SLCO5A1: variants seen among roughly 807,000 people sequenced by gnomAD.
SLCO5A1 encodes solute carrier organic anion transporter family member 5A1, also known as organic anion transporter polypeptide-related protein 4.
A neutral mutation model predicts 65.1 loss-of-function variants in SLCO5A1; 39 were observed. The ratio of observed to expected loss-of-function variants is 0.60; its 90% CI spans 0.46 to 0.78. The LOEUF (loss-of-function observed/expected upper bound fraction) is 0.78. Ranked by LOEUF, SLCO5A1 falls within the 30% of genes least tolerant of loss-of-function variation. The probability of loss-of-function intolerance (pLI) is 0.00; values close to 1 mark genes in which losing one functional copy is unlikely to be tolerated. For synonymous variants in SLCO5A1, 438 were observed against 415.7 expected, an observed-to-expected ratio of 1.05 and a Z score of -0.65; for missense variants, 1,029 against 1,069.4, an observed-to-expected ratio of 0.96 and a Z score of 0.53.
intron 2 of SLCO5A1, among the ~76,000 whole-genome samples, chr8:69,816,318 CA>C (rs889765408): frequency 1.6e-4 from 25 of 152,244 alleles, no homozygotes; most frequent in African/African-American, 5.8e-4. Context: ...TCCAGAGAGC[CA>C]AAATCATCCC....
At chr8:69,722,559 G>A (rs964632810) in intron 5 of SLCO5A1, among the ~76,000 whole-genome samples, 4 of 152,086 alleles carry the variant, frequency 2.6e-5, no homozygotes, top group Admixed American at 2.0e-4. Context: ...GATCACAAGC[G>A]AACAAAACAA....
At chr8:69,743,270 C>T (rs781288554) in intron 4 of SLCO5A1, among the ~76,000 whole-genome samples, 1 of 152,118 alleles carries the variant, frequency 6.6e-6, no homozygotes. Flanking sequence ...CAAGTGGGTT[C>T]CAGCATGTGT....
chr8:69,751,547 C>CTT (rs762744953), intron 4 of SLCO5A1, among the ~76,000 whole-genome samples: 9 of 141,228 alleles, frequency 6.4e-5, no homozygotes, highest in Non-Finnish European at 7.8e-5. Context: ...AAATAATTTT[C>CTT]TTTTTTTTTT....
At chr8:69,691,539 CTT>C (rs1243497216) in intron 6 of SLCO5A1, among the ~76,000 whole-genome samples, 2 of 152,198 alleles carry the variant, frequency 1.3e-5, no homozygotes, top group Non-Finnish European at 2.9e-5. Context: ...CATTCTAGCT[CTT>C]TGAGTCTATG....
intron 6 of SLCO5A1, among the ~76,000 whole-genome samples, chr8:69,699,371 C>T (rs1474286865): frequency 6.6e-6 from 1 of 152,172 alleles, no homozygotes; most frequent in Non-Finnish European, 1.5e-5. Context: ...AGCAGCAAGG[C>T]TTACAAGCCT....
chr8:69,727,562 T>G (rs1762480375), intron 5 of SLCO5A1, among the ~76,000 whole-genome samples: 1 of 152,186 alleles, frequency 6.6e-6, no homozygotes, highest in Non-Finnish European at 1.5e-5. Context: ...TCCCTCCCAC[T>G]GCAGTACTGT....
At chr8:69,834,269 G>C (rs543788951) in intron 1 of SLCO5A1, 3 of 152,828 alleles carry the variant, frequency 2.0e-5, no homozygotes, top group Non-Finnish European at 2.9e-5. Context: ...GGCAAGGACG[G>C]GGGGCGGAAT....
chr8:69,799,258 T>G (rs997658571), intron 2 of SLCO5A1, among the ~76,000 whole-genome samples: 1 of 152,228 alleles, frequency 6.6e-6, no homozygotes, highest in African/African-American at 2.4e-5. Flanking sequence ...GTACAATTTT[T>G]CTTTGTTTCA....
At chr8:69,798,916 A>G (rs1392495338) in intron 2 of SLCO5A1, among the ~76,000 whole-genome samples, 1 of 152,242 alleles carries the variant, frequency 6.6e-6, no homozygotes, top group African/African-American at 2.4e-5. Flanking sequence ...TGACAACAAT[A>G]GAAGATTAAT....
intron 6 of SLCO5A1, among the ~76,000 whole-genome samples, chr8:69,691,030 G>C (rs2130798103): frequency 6.6e-6 from 1 of 152,204 alleles, no homozygotes; most frequent in East Asian, 1.9e-4. Context: ...TTGAAGAAAA[G>C]GCAGAGTGAG....
intron 5 of SLCO5A1, chr8:69,713,304 A>G (rs1389444330): frequency 1.3e-5 from 2 of 152,346 alleles, no homozygotes; most frequent in South Asian, 2.1e-4. Flanking sequence ...CAAACATGAG[A>G]CTATCAATAA....
rs1207212208 is a variant in SLCO5A1, at chr8:69,831,319, A to G, written c.907+448T>C. Among the ~76,000 whole-genome samples, 3 of 152,240 alleles carry G rather than the reference A, an allele frequency of 2.0e-5. No homozygotes were observed. In the East Asian group the frequency reaches 5.8e-4, roughly 29 times the overall value. On this transcript the variant is annotated intron_variant, in intron 2 of 9. Transcript: ENST00000260126. ...GTATGAAGGCAATAAAGCATGATGTATGTAGTCTGGCCACGCCACCATCCC... is the reference window on the plus strand; with the variant it reads ...GTATGAAGGCAATAAAGCATGATGTGTGTAGTCTGGCCACGCCACCATCCC...
At chr8:69,770,736 C>T (rs1251136488) in intron 2 of SLCO5A1, among the ~76,000 whole-genome samples, 1 of 152,154 alleles carries the variant, frequency 6.6e-6, no homozygotes, top group African/African-American at 2.4e-5. Context: ...CCACAGCTTC[C>T]TAGCTGCCTC....
chr8:69,806,199 C>T (rs1321646394), intron 2 of SLCO5A1, among the ~76,000 whole-genome samples: 3 of 152,224 alleles, frequency 2.0e-5, no homozygotes, highest in East Asian at 1.9e-4. Context: ...TAACATTACA[C>T]ATTACACATT....
At chr8:69,747,174 C>T (rs919230831) in intron 4 of SLCO5A1, among the ~76,000 whole-genome samples, 1 of 152,194 alleles carries the variant, frequency 6.6e-6, no homozygotes, top group Non-Finnish European at 1.5e-5. Flanking sequence ...GGCATGCCCC[C>T]TTCTCTTAGG....
At chr8:69,734,468 G>C (rs1400299898) in intron 5 of SLCO5A1, among the ~76,000 whole-genome samples, 1 of 152,128 alleles carries the variant, frequency 6.6e-6, no homozygotes, top group Non-Finnish European at 1.5e-5. Context: ...CAAATTTTCT[G>C]TTTATTTATT....
chr8:69,832,848 T>A lies in SLCO5A1; in HGVS notation c.-175A>T, dbSNP rs1285213536. 3.7e-5 allele frequency: 26 copies of A among 699,324 alleles called. No homozygotes were observed. The highest frequency in any genetic ancestry group is 5.4e-5 in the African/African-American group (3 of 55,428). 43.3% of individuals were successfully genotyped at this position (699,324 alleles called of 1,614,324 possible). The stretch of plus-strand genomic sequence containing the variant: ...CACCAGCTGCGAGGCGCCCAGTGCA[T>A]CCTGATCACAGACACGGCTTCAAGG... On this transcript the variant is annotated 5_prime_UTR_variant, in exon 2 of 10. It removes an upstream start codon present in the reference 5' UTR. Transcript: ENST00000260126. The surrounding 1 kb of genome is among the most constrained non-coding windows in gnomAD (Gnocchi z 4.5).
At chr8:69,738,900 C>A (rs1256466620) in intron 4 of SLCO5A1, among the ~76,000 whole-genome samples, 5 of 152,242 alleles carry the variant, frequency 3.3e-5, no homozygotes, top group African/African-American at 1.2e-4. Context: ...TTTCACAGAA[C>A]CTGCCATCTA....
chr8:69,821,663 C>A (rs1041193841), intron 2 of SLCO5A1, among the ~76,000 whole-genome samples: 1 of 151,626 alleles, frequency 6.6e-6, no homozygotes, highest in Non-Finnish European at 1.5e-5. Flanking sequence ...CAAAAATTAG[C>A]CACACATGTG....
Sources: gnomAD v4.1 joint callset for allele counts (sites outside exome capture counted in the v4.1 genomes callset) on GRCh38, gnomAD v4.1.1 for gene constraint, Gnocchi (gnomAD v3.1) non-coding constraint, MANE v1.5 for transcripts, NCBI Gene and HGNC (gene_info 2026-07-23, HGNC 2026-07-21) for gene names.